THSD7A: variants seen among roughly 807,000 people sequenced by gnomAD.
The protein encoded by THSD7A is thrombospondin type-1 domain-containing protein 7A.
Under a neutral mutation model 231.3 loss-of-function variants are expected in THSD7A, and 96 were observed. That is an observed-to-expected ratio of 0.41 (90% CI 0.35 to 0.49). The LOEUF is 0.49. THSD7A is among the 20% of genes least tolerant of loss of function. THSD7A has a pLI of 0.05. For synonymous variants in THSD7A, 940 were observed against 743.3 expected, an observed-to-expected ratio of 1.26 and a Z score of -4.30; for missense variants, 2,290 against 2,070.2, an observed-to-expected ratio of 1.11 and a Z score of -2.06.
At chr7:11,745,580 CT>C (rs1336478964) in intron 1 of THSD7A, among the ~76,000 whole-genome samples, 9 of 152,114 alleles carry the variant, frequency 5.9e-5, no homozygotes, top group African/African-American at 2.2e-4. Flanking sequence ...GGTTTTAGGT[CT>C]AAAATTTAAG....
rs184152597 is a variant in THSD7A, at chr7:11,377,569, G to A, written c.4802-912C>T. On this transcript the variant is annotated intron_variant, in intron 26 of 27. Coordinates refer to ENST00000423059, the MANE Select transcript of THSD7A (RefSeq NM_015204.3). The surrounding 1 kb of genome is among the most constrained non-coding windows in gnomAD (Gnocchi z 4.5). The stretch of plus-strand genomic sequence containing the variant: ...TTGGTACTGTGGAATTTTTTTGCCC[G>A]GAGTTAGATCAAGTTAGAGGTTCAT... 3.0e-3 allele frequency among the ~76,000 whole-genome samples: 454 copies of A among 152,022 alleles called. 4 individuals carry two copies. Among genetic ancestry groups the A allele is most frequent in the East Asian group, 0.021 (110 of 5,180 alleles).
intron 1 of THSD7A, among the ~76,000 whole-genome samples, chr7:11,666,103 G>A (rs1051878299): frequency 2.0e-5 from 3 of 152,144 alleles, no homozygotes; most frequent in African/African-American, 7.2e-5. Context: ...TTTATAAATT[G>A]TCATGGGCAG....
At chr7:11,456,594 G>C (rs1043109350) in intron 11 of THSD7A, among the ~76,000 whole-genome samples, 1 of 151,848 alleles carries the variant, frequency 6.6e-6, no homozygotes, top group African/African-American at 2.4e-5. Context: ...TACATCATTG[G>C]TTACATGGCT....
intron 1 of THSD7A, among the ~76,000 whole-genome samples, chr7:11,765,157 A>G (rs981509904): frequency 6.6e-6 from 1 of 152,228 alleles, no homozygotes; most frequent in African/African-American, 2.4e-5. Flanking sequence ...ATAGAAAAAT[A>G]TAGGTTCATT....
At position 11,525,589 on chromosome 7, in the gene THSD7A, T is replaced by C. The variant is rs547775541; in HGVS notation, c.1822+15830A>G. Reference sequence around the variant, plus strand: ...GTTACAGCTTTTCCAAATACTATTATGATATATCAATTGTTTTTACCTTTC... The same window carrying C: ...GTTACAGCTTTTCCAAATACTATTACGATATATCAATTGTTTTTACCTTTC... On this transcript the variant is annotated intron_variant, in intron 6 of 27. Coordinates refer to ENST00000423059, the MANE Select transcript of THSD7A (RefSeq NM_015204.3). Among the ~76,000 whole-genome samples the C allele has an allele frequency of 6.4e-3, 980 of 152,280 alleles. 2 individuals are homozygous for C. The highest frequency in any genetic ancestry group is 0.01 in the Non-Finnish European group (697 of 67,986).
intron 6 of THSD7A, among the ~76,000 whole-genome samples, chr7:11,513,057 C>T (rs1427713934): frequency 6.6e-6 from 1 of 150,434 alleles, no homozygotes; most frequent in African/African-American, 2.5e-5. Flanking sequence ...GTAACTCAGG[C>T]ATGGAAAACC....
intron 1 of THSD7A, among the ~76,000 whole-genome samples, chr7:11,754,020 T>C (rs1005820293): frequency 3.9e-5 from 6 of 152,014 alleles, no homozygotes; most frequent in African/African-American, 1.4e-4. Flanking sequence ...TAAATGTCTA[T>C]TTTTAACAAA....
intron 6 of THSD7A, among the ~76,000 whole-genome samples, chr7:11,506,318 A>G (rs1455928747): frequency 2.0e-5 from 3 of 152,096 alleles, no homozygotes; most frequent in Admixed American, 1.3e-4. Flanking sequence ...TTTTTCTGTT[A>G]ATTACATATT....
chr7:11,696,715 G>T (rs1780413379), intron 1 of THSD7A, among the ~76,000 whole-genome samples: 1 of 151,382 alleles, frequency 6.6e-6, no homozygotes, highest in African/African-American at 2.4e-5. Flanking sequence ...ACATGATGGG[G>T]CTACCTGGGA....
intron 1 of THSD7A, among the ~76,000 whole-genome samples, chr7:11,735,226 G>A (rs902583607): frequency 6.6e-6 from 1 of 151,758 alleles, no homozygotes; most frequent in Admixed American, 6.6e-5. Flanking sequence ...ATATTAGTTG[G>A]TGGTATTTTT....
chr7:11,427,184 T>G (rs1784347518), intron 14 of THSD7A, among the ~76,000 whole-genome samples: 1 of 152,224 alleles, frequency 6.6e-6, no homozygotes, highest in Admixed American at 6.5e-5. Flanking sequence ...ATTATTTTAC[T>G]GAGGAACATA....
At chr7:11,826,707 G>T (rs561096329) in intron 1 of THSD7A, among the ~76,000 whole-genome samples, 2 of 151,518 alleles carry the variant, frequency 1.3e-5, no homozygotes, top group South Asian at 4.2e-4. Flanking sequence ...AGCTACTCAG[G>T]AGGCTGATGC....
chr7:11,379,059 A>G lies in THSD7A; in HGVS notation c.4801+11T>C. On this transcript the variant is annotated intron_variant, in intron 26 of 27. Coordinates refer to ENST00000423059, the MANE Select transcript of THSD7A (RefSeq NM_015204.3). Reference sequence around the variant, plus strand: ...AAGGTTTCTCTTTCAACACTAGTCTAGTCAGTTCACCTGGCCCAAATGGCT... The same window carrying G: ...AAGGTTTCTCTTTCAACACTAGTCTGGTCAGTTCACCTGGCCCAAATGGCT... 1 of 1,612,334 alleles carries G rather than the reference A, an allele frequency of 6.2e-7. No homozygotes were observed.
intron 14 of THSD7A, 79 bp from the exon 15 acceptor site, chr7:11,426,750 C>T (rs1784333498): frequency 1.4e-6 from 2 of 1,419,042 alleles, no homozygotes; most frequent in South Asian, 1.3e-5. Flanking sequence ...ATGAGAAGAA[C>T]ACATGGTAAG....
At chr7:11,467,048 C>A (rs752546293) in intron 9 of THSD7A, among the ~76,000 whole-genome samples, 1 of 152,096 alleles carries the variant, frequency 6.6e-6, no homozygotes, top group Admixed American at 6.6e-5. Flanking sequence ...GCCCTTCTAC[C>A]GCTGCGCCCA....
rs192721960 is a variant in THSD7A at position 11,717,110 on chromosome 7, C to T, written c.191-80149G>A. On this transcript the variant is annotated intron_variant, in intron 1 of 27. Coordinates refer to ENST00000423059, the MANE Select transcript of THSD7A (RefSeq NM_015204.3). ...GCTAACATTTTTTATTAACACTGATCGTTTGCAAATATAGTGCTAATTGAC... is the reference window on the plus strand; with the variant it reads ...GCTAACATTTTTTATTAACACTGATTGTTTGCAAATATAGTGCTAATTGAC... Among the ~76,000 whole-genome samples, 152 of 151,580 alleles carry T rather than the reference C, an allele frequency of 1.0e-3. 1 individual carries two copies. The highest frequency in any genetic ancestry group is 3.3e-3 in the African/African-American group (138 of 41,416).
intron 13 of THSD7A, among the ~76,000 whole-genome samples, chr7:11,435,691 G>A (rs1784612290): frequency 6.6e-6 from 1 of 152,022 alleles, no homozygotes; most frequent in Non-Finnish European, 1.5e-5. Flanking sequence ...CTTTCGAGCT[G>A]GTTCTGATTT....
intron 4 of THSD7A, among the ~76,000 whole-genome samples, chr7:11,546,821 A>G (rs1028573816): frequency 4.6e-5 from 7 of 152,206 alleles, no homozygotes; most frequent in African/African-American, 1.7e-4. Flanking sequence ...AATCTAAGGA[A>G]TCCAGTAAAA....
chr7:11,672,149 T>A (rs1411019163), intron 1 of THSD7A, among the ~76,000 whole-genome samples: 1 of 152,180 alleles, frequency 6.6e-6, no homozygotes, highest in Non-Finnish European at 1.5e-5. Context: ...GCTCATTTTC[T>A]GGCTGTGGGC....
Sources: gnomAD v4.1 joint callset for allele counts (sites outside exome capture counted in the v4.1 genomes callset) on GRCh38, gnomAD v4.1.1 for gene constraint, Gnocchi (gnomAD v3.1) non-coding constraint, MANE v1.5 for transcripts, NCBI Gene and HGNC (gene_info 2026-07-23, HGNC 2026-07-21) for gene names.